Variants in C2CD3 observed in about 807,000 individuals in gnomAD.
The protein encoded by C2CD3 is C2 domain containing 3 centriole elongation regulator, also known as C2 domain-containing protein 3.
A neutral mutation model predicts 234.0 loss-of-function variants in C2CD3; 148 were observed. The ratio of observed to expected loss-of-function variants is 0.63; its 90% CI spans 0.55 to 0.72. The LOEUF (loss-of-function observed/expected upper bound fraction) is 0.72. C2CD3 is among the 30% of genes least tolerant of loss of function. C2CD3 has a pLI of 0.00. For synonymous variants in C2CD3, 1,000 were observed against 1,035.4 expected, an observed-to-expected ratio of 0.97 and a Z score of 0.66; for missense variants, 2,577 against 2,811.5, an observed-to-expected ratio of 0.92 and a Z score of 1.89.
intron 30 of C2CD3, 139 bp downstream of exon 30, chr11:74,037,336 TAAA>T (rs370964056): frequency 1.4e-3 from 889 of 636,434 alleles, no homozygotes; most frequent in Middle Eastern, 2.2e-3. Context: ...GCAAGATGGT[TAAA>T]AAAAAAAAAA....
In C2CD3 at chr11:74,049,982, T is replaced by C. The variant is rs973434438; in HGVS notation, c.5156-440A>G. Among the ~76,000 whole-genome samples, 14 of 152,150 alleles carry C rather than the reference T, an allele frequency of 9.2e-5. 1 individual carries two copies. Among genetic ancestry groups the C allele is most frequent in the Admixed American group, 7.2e-4 (11 of 15,266 alleles). On this transcript the variant is annotated intron_variant, in intron 26 of 32. Coordinates refer to ENST00000334126, the MANE Select transcript of C2CD3 (RefSeq NM_001286577.2). The stretch of plus-strand genomic sequence containing the variant: ...TTTTTGTTGAGATGGGGTCTTACTA[T>C]GTTGCCTAGGTGGTCTTGAACCCCC...
chr11:74,144,699 T>C (rs1386962410), intron 3 of C2CD3, among the ~76,000 whole-genome samples: 1 of 152,150 alleles, frequency 6.6e-6, no homozygotes, highest in Admixed American at 6.6e-5. Context: ...TGAGAACGTG[T>C]GGTGCTTGGT....
At chr11:74,016,520 G>A (rs1179785884) in intron 32 of C2CD3, 2 of 152,394 alleles carry the variant, frequency 1.3e-5, no homozygotes, top group Admixed American at 6.5e-5. Context: ...CCCAGGCCCA[G>A]GAATCAGAAC....
rs114247878 is a variant in C2CD3, at chr11:74,122,238, A to G, written c.1365+750T>C. Among the ~76,000 whole-genome samples, 214 of 152,240 alleles carry G rather than the reference A, an allele frequency of 1.4e-3. 2 individuals carry two copies. The highest frequency in any genetic ancestry group is 5.0e-3 in the African/African-American group (207 of 41,548). On this transcript the variant is annotated intron_variant, in intron 8 of 32. Transcript: ENST00000334126. ...TCTTTTCTCTGCTTCTCAAAACACT[A>G]TCTTTCAATCTCAGTTAAAACCCTT...
intron 23 of C2CD3, among the ~76,000 whole-genome samples, chr11:74,076,615 T>C (rs1404932429): frequency 6.6e-6 from 1 of 152,212 alleles, no homozygotes; most frequent in East Asian, 1.9e-4. Flanking sequence ...AACACAGTAC[T>C]CCTGCCTACC....
At chr11:74,150,634 A>T (rs188852325) in intron 3 of C2CD3, among the ~76,000 whole-genome samples, 4 of 151,778 alleles carry the variant, frequency 2.6e-5, no homozygotes, top group African/African-American at 9.7e-5. Flanking sequence ...CTGGCTAATC[A>T]TGTTTCATTT....
Position 74,057,556 on chromosome 11 carries a change from T to A in C2CD3, c.4952-12A>T. 6.2e-7 allele frequency: 1 copy of A among 1,614,038 alleles called. No individual in the cohort carries two copies. On this transcript the variant is annotated splice_polypyrimidine_tract_variant and intron_variant, in intron 24 of 32. Transcript: ENST00000334126. ...TGTCAAGGGGCTCCCTGAAATAGAA[T>A]AAAGTGCAGTGACTGTACTTTAGGG... is the stretch of plus-strand genomic sequence containing the variant.
Position 74,092,413 on chromosome 11 carries a change from T to C in C2CD3, c.3517+3A>G. 2 of 1,611,650 alleles carry C rather than the reference T, an allele frequency of 1.2e-6. No homozygotes were observed. The highest frequency in any genetic ancestry group is 8.5e-7 in the Non-Finnish European group (1 of 1,178,628). ...AGAAAAAGACAAACTTGTTTTCAAT[T>C]ACCTGATGACTGGTTCCTCAATTCT... On this transcript the variant is annotated splice_donor_region_variant and intron_variant, in intron 19 of 32. Transcript: ENST00000334126.
chr11:74,140,340 T>C lies in C2CD3; in HGVS notation c.484-512A>G, dbSNP rs1958012504. Among the ~76,000 whole-genome samples the C allele has an allele frequency of 3.3e-5, 5 of 152,324 alleles. 1 individual carries two copies. In the South Asian group the frequency reaches 1.0e-3, roughly 32 times the overall value. ...GCTTTATGCCTTTGTATATACAATT[T>C]CCCCCAGTATTCCTTCTTTACGTCT... On this transcript the variant is annotated intron_variant, in intron 3 of 32. Coordinates refer to ENST00000334126, the MANE Select transcript of C2CD3 (RefSeq NM_001286577.2).
rs1198336395 is a variant in C2CD3, at chr11:74,170,983, C to T, written c.-191G>A. ...GGTGCGAAGAGAAGGCGCCAAGACG[C>T]CTTCCCTCCAATACACTACAATACC... On this transcript the variant is annotated 5_prime_UTR_variant, in exon 1 of 33. Coordinates refer to ENST00000334126, the MANE Select transcript of C2CD3 (RefSeq NM_001286577.2). The T allele has an allele frequency of 3.0e-6, 4 of 1,337,288 alleles. No homozygotes were observed. Among genetic ancestry groups the T allele is most frequent in the Non-Finnish European group, 4.1e-6 (4 of 986,594 alleles). The allele number at this position is 1,337,288 out of a possible 1,614,324, so 82.8% of individuals were successfully genotyped here. A position where few individuals can be genotyped will look rare whatever the true frequency, so the allele number is the denominator to read the frequency against.
At chr11:74,132,390 T>C (rs1408160252) in intron 7 of C2CD3, among the ~76,000 whole-genome samples, 1 of 152,136 alleles carries the variant, frequency 6.6e-6, no homozygotes, top group Non-Finnish European at 1.5e-5. Context: ...CAAAATATTA[T>C]GTGTCAAGCA....
rs1475291926 is a variant in C2CD3, at chr11:74,122,980, T to A, written c.1365+8A>T. ...CTAATTCTCAATGCTTCAGGTTCAG[T>A]GACTTACAGGTGCTGTATAAAATAA... On this transcript the variant is annotated splice_region_variant and intron_variant, in intron 8 of 32. Transcript: ENST00000334126. 2 of 1,610,128 alleles carry A rather than the reference T, an allele frequency of 1.2e-6. No homozygotes were observed. Among genetic ancestry groups the A allele is most frequent in the Non-Finnish European group, 8.5e-7 (1 of 1,177,354 alleles).
At chr11:74,118,817 T>C (rs1477652223) in intron 8 of C2CD3, among the ~76,000 whole-genome samples, 2 of 152,204 alleles carry the variant, frequency 1.3e-5, no homozygotes. Context: ...AGCCAGATTT[T>C]GATCTCCATG....
chr11:74,116,731 C>T (rs2135513416), intron 9 of C2CD3, among the ~76,000 whole-genome samples: 1 of 150,656 alleles, frequency 6.6e-6, no homozygotes, highest in Admixed American at 6.6e-5. Context: ...AGCCTAAATG[C>T]CCATCAATCA....
intron 3 of C2CD3, among the ~76,000 whole-genome samples, chr11:74,159,575 T>C (rs1196423237): frequency 6.6e-6 from 1 of 152,146 alleles, no homozygotes; most frequent in African/African-American, 2.4e-5. Context: ...AGAAAAAAGC[T>C]TATAGAATAG....
At chr11:74,148,016 ATCTTAAATTTTACAAATG>A (rs972623060) in intron 3 of C2CD3, among the ~76,000 whole-genome samples, 20 of 152,222 alleles carry the variant, frequency 1.3e-4, no homozygotes, top group African/African-American at 4.1e-4. Context: ...TGATGTTGAA[ATCTTAAATTTTACAAATG>A]TCTTAAATTT....
At chr11:74,093,372 A>G (rs1955972960) in intron 18 of C2CD3, among the ~76,000 whole-genome samples, 1 of 148,284 alleles carries the variant, frequency 6.7e-6, no homozygotes, top group South Asian at 2.1e-4. Context: ...ATTAAATTAT[A>G]TTTATAAAAT....
chr11:74,143,121 A>G (rs1249490211), intron 3 of C2CD3, among the ~76,000 whole-genome samples: 2 of 152,078 alleles, frequency 1.3e-5, no homozygotes, highest in African/African-American at 4.8e-5. Context: ...CGCCATCCAC[A>G]TATACCAAGA....
At chr11:74,015,108 C>T (rs989606569) in intron 32 of C2CD3, among the ~76,000 whole-genome samples, 2 of 152,218 alleles carry the variant, frequency 1.3e-5, no homozygotes, top group African/African-American at 4.8e-5. Context: ...CCAGGGGAGG[C>T]CAGTGGCCAG....
Sources: gnomAD v4.1 joint callset for allele counts (sites outside exome capture counted in the v4.1 genomes callset) on GRCh38, gnomAD v4.1.1 for gene constraint, MANE v1.5 for transcripts, NCBI Gene and HGNC (gene_info 2026-07-23, HGNC 2026-07-21) for gene names.